MOV10L1: variants seen among roughly 807,000 people sequenced by gnomAD.
MOV10L1 encodes RNA helicase Mov10l1.
Under a neutral mutation model 143.8 loss-of-function variants are expected in MOV10L1, and 110 were observed. The observed-to-expected ratio is 0.76, with a 90% CI of 0.66 to 0.90. MOV10L1 has a LOEUF of 0.90. MOV10L1 is among the 40% of genes least tolerant of loss of function. The pLI is 0.00. For missense variants in MOV10L1, 1,406 were observed against 1,526.8 expected (o/e 0.92, Z 1.32); for synonymous variants, 593 against 581.1 (o/e 1.02, Z -0.29).
intron 5 of MOV10L1, 172 bp from the exon 6 acceptor site, chr22:50,113,476 C>T (rs1426879934): frequency 2.5e-6 from 2 of 801,862 alleles, no homozygotes; most frequent in Non-Finnish European, 3.8e-6. Flanking sequence ...GTGCATCGTT[C>T]TCTTCCTTAG....
chr22:50,108,885 C>T (rs1265656419), intron 5 of MOV10L1, 41 bp downstream of exon 5: 1 of 1,594,854 alleles, frequency 6.3e-7, no homozygotes, highest in Non-Finnish European at 8.6e-7. Flanking sequence ...TGGCTAACGC[C>T]TGTAATCCTA....
chr22:50,103,129 C>T (rs1384728920), intron 3 of MOV10L1, among the ~76,000 whole-genome samples: 1 of 152,154 alleles, frequency 6.6e-6, no homozygotes, highest in Non-Finnish European at 1.5e-5. Flanking sequence ...TAGGTGAGGT[C>T]TGACACACGA....
At chr22:50,135,776 A>G (rs1308237878) in intron 15 of MOV10L1, among the ~76,000 whole-genome samples, 1 of 151,688 alleles carries the variant, frequency 6.6e-6, no homozygotes. Flanking sequence ...AAGCTTCTAT[A>G]ATCCAGTCAC....
intron 1 of MOV10L1, 64 bp downstream of exon 1, chr22:50,090,249 C>G (rs62241081): frequency 2.1e-6 from 3 of 1,409,336 alleles, no homozygotes; most frequent in Middle Eastern, 2.6e-4. Context: ...ACGAGGGAGC[C>G]GCGCCCATAG....
In MOV10L1 at chr22:50,119,433, G is replaced by C. The variant is rs535080779; in HGVS notation, c.1455-1069G>C. On this transcript the variant is annotated intron_variant, in intron 9 of 26. Transcript: ENST00000262794. ...GCCAGGCAACTTTGGCTCTTAGCTA[G>C]AGCAGAGTGTTCACTTAGCAGATCT... is the stretch of plus-strand genomic sequence containing the variant. Among the ~76,000 whole-genome samples the C allele has an allele frequency of 7.0e-4, 106 of 152,236 alleles. 1 individual carries two copies. Among genetic ancestry groups the C allele is most frequent in the African/African-American group, 2.4e-3 (100 of 41,532 alleles).
At chr22:50,136,863 A>G (rs1178644639) in intron 15 of MOV10L1, among the ~76,000 whole-genome samples, 2 of 152,196 alleles carry the variant, frequency 1.3e-5, no homozygotes, top group Admixed American at 1.3e-4. Flanking sequence ...TTAAAAGTTG[A>G]CACAGTGCCA....
chr22:50,107,580 C>G (rs2061907076), intron 3 of MOV10L1, among the ~76,000 whole-genome samples: 1 of 152,148 alleles, frequency 6.6e-6, no homozygotes, highest in Admixed American at 6.5e-5. Context: ...CAGACCATCT[C>G]TCTGTTCTGT....
rs569001066 is a variant in MOV10L1, at chr22:50,108,329, C to T, written c.555+81C>T. 1.2e-3 allele frequency: 1,525 copies of T among 1,272,040 alleles called. 9 individuals are homozygous for T. The highest frequency in any genetic ancestry group is 1.0e-3 in the South Asian group (80 of 78,840). The allele number at this position is 1,272,040 out of a possible 1,614,324, so 78.8% of individuals were successfully genotyped here. On this transcript the variant is annotated intron_variant, in intron 4 of 26. Coordinates refer to ENST00000262794, the MANE Select transcript of MOV10L1 (RefSeq NM_018995.3). ...GTAACTTGCACGGCCCAGGCTTCTCCTGCATGTGTTGGAAGCCTGGAAAAA... is the reference window on the plus strand; with the variant it reads ...GTAACTTGCACGGCCCAGGCTTCTCTTGCATGTGTTGGAAGCCTGGAAAAA...
chr22:50,132,301 C>T (rs1383220244), intron 13 of MOV10L1, among the ~76,000 whole-genome samples: 1 of 152,164 alleles, frequency 6.6e-6, no homozygotes, highest in Non-Finnish European at 1.5e-5. Flanking sequence ...GGTCTTTCTT[C>T]TTACATGGAT....
intron 17 of MOV10L1, among the ~76,000 whole-genome samples, chr22:50,143,614 C>G (rs934271295): frequency 1.3e-5 from 2 of 152,170 alleles, no homozygotes; most frequent in Non-Finnish European, 2.9e-5. Context: ...CCCAATAACC[C>G]ATCGTAATGG....
chr22:50,137,102 C>T (rs189609945), intron 15 of MOV10L1, among the ~76,000 whole-genome samples: 33 of 152,244 alleles, frequency 2.2e-4, no homozygotes, highest in African/African-American at 7.9e-4. Context: ...AATTATCCAG[C>T]ACCCAGCAAG....
In MOV10L1 at chr22:50,153,170, G is replaced by A. The variant is rs752812638; in HGVS notation, c.3018G>A (p.Trp1006Ter). 1.2e-6 allele frequency: 2 copies of A among 1,614,014 alleles called. No homozygotes were observed. The highest frequency in any genetic ancestry group is 1.7e-5 in the Admixed American group (1 of 60,026). The change falls in exon 22 of 27, where the codon TGG becomes TGA. Residue 1006 changes from tryptophan to a stop codon, truncating the protein, a stop_gained. Transcript: ENST00000262794. LOFTEE classifies it high-confidence loss of function. ...DPTVVTSLLG[W>*]EKLPKKGFPL... The stretch of plus-strand genomic sequence containing the variant: ...CAGTGGTGACCTCCTTGCTGGGCTG[G>A]GAGAAGTTGCCTAAGAAAGGCTTCC...
intron 5 of MOV10L1, among the ~76,000 whole-genome samples, chr22:50,110,504 G>A (rs1394015517): frequency 6.6e-6 from 1 of 151,800 alleles, no homozygotes; most frequent in African/African-American, 2.4e-5. Flanking sequence ...ATGGTTGACT[G>A]AAGGTGGAGT....
chr22:50,153,327 T>G (rs2063346043), intron 22 of MOV10L1, 109 bp downstream of exon 22: 9 of 1,308,124 alleles, frequency 6.9e-6, no homozygotes, highest in Admixed American at 2.1e-5. Flanking sequence ...GGGGCAGATG[T>G]TCTGCTGGTC....
intron 13 of MOV10L1, among the ~76,000 whole-genome samples, chr22:50,130,751 A>G (rs2062650259): frequency 6.6e-6 from 1 of 152,212 alleles, no homozygotes; most frequent in Non-Finnish European, 1.5e-5. Context: ...CCATCATGGC[A>G]GCTAGAGAGA....
rs915278382 is a variant in MOV10L1, at chr22:50,143,147, C to T, written c.2284C>T (p.Arg762Cys). ...AVKRILSGDC[R>C]PLPYILFGPP... The stretch of plus-strand genomic sequence containing the variant: ...TAAAAGGATTCTGAGTGGTGACTGC[C>T]GTCCCCTCCCGTATATTCTCTTTGG... The change falls in exon 17 of 27, where the codon CGT (arginine) becomes TGT (cysteine). Residue 762 changes from arginine to cysteine, a missense_variant. Coordinates refer to ENST00000262794, the MANE Select transcript of MOV10L1 (RefSeq NM_018995.3). The T allele has an allele frequency of 1.1e-5, 17 of 1,613,930 alleles. No homozygotes were observed. The highest frequency in any genetic ancestry group is 1.4e-5 in the Non-Finnish European group (16 of 1,179,952).
intron 5 of MOV10L1, among the ~76,000 whole-genome samples, chr22:50,113,403 G>A (rs1183002164): frequency 3.9e-5 from 6 of 152,308 alleles, no homozygotes; most frequent in Admixed American, 1.3e-4. Context: ...TCAGGACACC[G>A]TTCTCAGACT....
At chr22:50,119,627 C>CT (rs938723429) in intron 9 of MOV10L1, among the ~76,000 whole-genome samples, 3 of 151,018 alleles carry the variant, frequency 2.0e-5, no homozygotes, top group Non-Finnish European at 2.9e-5. Flanking sequence ...TTCCCTTTAC[C>CT]TTGTTCGTGT....
chr22:50,107,409 G>T (rs908078547), intron 3 of MOV10L1, among the ~76,000 whole-genome samples: 1 of 152,210 alleles, frequency 6.6e-6, no homozygotes, highest in Non-Finnish European at 1.5e-5. Context: ...CATGTCGAAT[G>T]TAGGTGTCAG....
Sources: gnomAD v4.1 joint callset for allele counts (sites outside exome capture counted in the v4.1 genomes callset) on GRCh38, gnomAD v4.1.1 for gene constraint, MANE v1.5 for transcripts, NCBI Gene and HGNC (gene_info 2026-07-23, HGNC 2026-07-21) for gene names.